Variants in CD163L1 observed in about 807,000 individuals in gnomAD.
CD163L1 encodes the protein CD163 molecule like 1.
CD163L1 carries 124 observed loss-of-function variants against 165.4 expected under a neutral mutation model. The observed-to-expected ratio is 0.75, with a 90% CI of 0.65 to 0.87. The LOEUF (loss-of-function observed/expected upper bound fraction) is 0.87. Among genes scored for constraint, CD163L1 ranks in the 40% least tolerant of loss-of-function variants. The pLI is 0.00. For synonymous variants in CD163L1, 585 were observed against 662.2 expected, an observed-to-expected ratio of 0.88 and a Z score of 1.79; for missense variants, 1,525 against 1,799.9, an observed-to-expected ratio of 0.85 and a Z score of 2.76.
intron 8 of CD163L1, among the ~76,000 whole-genome samples, chr12:7,392,031 C>T (rs1565790841): frequency 6.6e-6 from 1 of 152,148 alleles, no homozygotes; most frequent in East Asian, 1.9e-4. Flanking sequence ...AGAAAGTTAA[C>T]AAGGATATCC....
intron 4 of CD163L1, among the ~76,000 whole-genome samples, chr12:7,418,454 T>C (rs1203839900): frequency 6.6e-6 from 1 of 151,776 alleles, no homozygotes; most frequent in Non-Finnish European, 1.5e-5. Context: ...AAATAGACAA[T>C]CTAAGGGCAC....
At chr12:7,415,943 T>C (rs926735885) in intron 4 of CD163L1, among the ~76,000 whole-genome samples, 1 of 152,184 alleles carries the variant, frequency 6.6e-6, no homozygotes, top group African/African-American at 2.4e-5. Flanking sequence ...ATATACCCAG[T>C]AATGGGATTG....
chr12:7,376,837 A>G (rs766660562), intron 9 of CD163L1, among the ~76,000 whole-genome samples: 2 of 152,194 alleles, frequency 1.3e-5, no homozygotes, highest in South Asian at 4.1e-4. Context: ...CTGAGTTACT[A>G]TAATAGATTC....
At position 7,406,751 on chromosome 12, in the gene CD163L1, T is replaced by A. The variant is rs1455961838; in HGVS notation, c.868A>T (p.Lys290Ter). 1 of 1,614,042 alleles carries A rather than the reference T, an allele frequency of 6.2e-7. No homozygotes were observed. Among genetic ancestry groups the A allele is most frequent in the Admixed American group, 1.7e-5 (1 of 59,990 alleles). The change falls in exon 5 of 20, where the codon AAG (lysine) becomes TAG (stop). Residue 290 changes from lysine to a stop codon, truncating the protein, a stop_gained. Coordinates refer to ENST00000313599, the MANE Select transcript of CD163L1 (RefSeq NM_174941.6). LOFTEE classifies it high-confidence loss of function. The stretch of plus-strand genomic sequence containing the variant: ...ACATCAGCTGCAGCATTGTTCCACT[T>A]ATGGTGGCATACGGTCCCCCACCTT... The part of the protein sequence containing the change: ...QGRWGTVCHH[K>*]WNNAAADVVC...
At position 7,432,429 on chromosome 12, in the gene CD163L1, T is replaced by C; in HGVS notation, c.753A>G (p.Thr251=). ...NHDCSHNEDV[T]LTCYDSSDLE... is the part of the protein sequence containing the mutation. ...TTGGGTTCTTACCATAACAAGTTAA[T>C]GTGACATCCTCATTGTGACTGCAGT... The change falls in exon 4 of 20, where the codon ACA becomes ACG. Residue 251 remains threonine, a synonymous_variant. Transcript: ENST00000313599. The surrounding 1 kb of genome is among the most constrained non-coding windows in gnomAD (Gnocchi z 4.2). 6.2e-7 allele frequency: 1 copy of C among 1,611,778 alleles called. No individual in the cohort carries two copies. The highest frequency in any genetic ancestry group is 8.5e-7 in the Non-Finnish European group (1 of 1,178,288).
At chr12:7,332,081 T>C in the CD163L1 span, among the ~76,000 whole-genome samples, 1 of 151,734 alleles carries the variant, frequency 6.6e-6, no homozygotes. Context: ...TGCAGAGAAG[T>C]CCTTAAAGGA....
intron 2 of CD163L1, chr12:7,439,685 C>T: frequency 6.2e-7 from 1 of 1,612,818 alleles, no homozygotes; most frequent in Admixed American, 1.7e-5. Context: ...TCAAGAAGCA[C>T]TTCTTTACAG....
chr12:7,429,793 ATTC>A (rs776866558), intron 4 of CD163L1, among the ~76,000 whole-genome samples: 35 of 152,162 alleles, frequency 2.3e-4, no homozygotes, highest in Non-Finnish European at 4.7e-4. Context: ...CTCAAAAGCT[ATTC>A]TTCATTCAGT....
At chr12:7,367,557 T>C (rs973633154) in intron 17 of CD163L1, 9 of 373,558 alleles carry the variant, frequency 2.4e-5, no homozygotes, top group African/African-American at 1.8e-4. Context: ...TACATAGTAT[T>C]TACTATGTGC....
In CD163L1 at chr12:7,374,459, G is replaced by A. The variant is rs776889416; in HGVS notation, c.3392C>T (p.Ala1131Val). 1.9e-6 allele frequency: 3 copies of A among 1,612,784 alleles called. No individual in the cohort carries two copies. The highest frequency in any genetic ancestry group is 1.7e-5 in the Admixed American group (1 of 59,952). Residue 1131 changes from alanine (A) to valine (V), a missense_variant, in exon 13 of 20, where the codon GCA (alanine) becomes GTA (valine). Ala to Val is a moderately conservative substitution (Grantham distance 64). Transcript: ENST00000313599. The surrounding 1 kb of genome is among the most constrained non-coding windows in gnomAD (Gnocchi z 5.4). ...GQHDCRHKED[A>V]GVICSEFTAL... ...GCACAGACCTGAGCAGATGACCCCT[G>A]CGTCCTCCTTGTGCCTGCAGTCGTG...
intron 4 of CD163L1, among the ~76,000 whole-genome samples, chr12:7,409,276 G>A (rs769079417): frequency 8.5e-5 from 13 of 152,180 alleles, no homozygotes; most frequent in African/African-American, 2.7e-4. Flanking sequence ...ACTAATTTAT[G>A]TAAAATCTGC....
the CD163L1 span, chr12:7,323,105 A>C: frequency 1.2e-6 from 1 of 803,054 alleles, no homozygotes. Context: ...GGTTTCAAAT[A>C]ATATATTTCA....
At position 7,375,283 on chromosome 12, in the gene CD163L1, G is replaced by C. The variant is rs373856898; in HGVS notation, c.2999C>G (p.Thr1000Arg). ...IHGNTVSVIC[T>R]GSLTQPLFPC... ...AACCATAAGCACTATTCTCTTACCT[G>C]TGCAGATCACAGAGACAGTATTTCC... The change falls in exon 11 of 20, where the codon ACA (threonine) becomes AGA (arginine). Residue 1000 changes from threonine to arginine, a missense_variant and splice_region_variant. Coordinates refer to ENST00000313599, the MANE Select transcript of CD163L1 (RefSeq NM_174941.6). 76 of 1,613,126 alleles carry C rather than the reference G, an allele frequency of 4.7e-5. No homozygotes were observed. The highest frequency in any genetic ancestry group is 5.8e-5 in the Non-Finnish European group (69 of 1,179,826).
Position 7,432,880 on chromosome 12 carries a change from G to T in CD163L1, c.446-144C>A. 1 of 637,954 alleles carries T rather than the reference G, an allele frequency of 1.6e-6. No homozygotes were observed. The highest frequency in any genetic ancestry group is 3.7e-5 in the Admixed American group (1 of 27,386). The allele number at this position is 637,954 out of a possible 1,614,324, so 39.5% of individuals were successfully genotyped here. A position where few individuals can be genotyped will look rare whatever the true frequency, so the allele number is the denominator to read the frequency against. On this transcript the variant is annotated intron_variant, in intron 3 of 19. Transcript: ENST00000313599. The surrounding 1 kb of genome is among the most constrained non-coding windows in gnomAD (Gnocchi z 4.2). ...AATAACTGAAAATACTTATAGGAGGGGTATGTGAGGCTTTTTTCTAAACAC... is the reference window on the plus strand; with the variant it reads ...AATAACTGAAAATACTTATAGGAGGTGTATGTGAGGCTTTTTTCTAAACAC...
downstream of CD163L1, among the ~76,000 whole-genome samples, chr12:7,343,011 C>T (rs1226163205): frequency 1.3e-5 from 2 of 152,232 alleles, no homozygotes; most frequent in Admixed American, 6.5e-5. Context: ...CAACTACACG[C>T]AATATCTTTT....
chr12:7,387,828 C>A (rs1208169029), intron 8 of CD163L1, among the ~76,000 whole-genome samples: 3 of 152,136 alleles, frequency 2.0e-5, no homozygotes, highest in Non-Finnish European at 4.4e-5. Flanking sequence ...ACAGCAACCC[C>A]AAGCAAGAAG....
the CD163L1 span, chr12:7,320,817 A>C: frequency 6.3e-7 from 1 of 1,598,700 alleles, no homozygotes; most frequent in South Asian, 1.1e-5. Flanking sequence ...ACTTGGGCAG[A>C]AATCTCCATT....
chr12:7,434,424 TA>T (rs750609545), intron 2 of CD163L1, among the ~76,000 whole-genome samples: 9 of 152,078 alleles, frequency 5.9e-5, no homozygotes, highest in Non-Finnish European at 1.2e-4. Context: ...AAAATCAACT[TA>T]AAACAAGTGA....
intron 4 of CD163L1, among the ~76,000 whole-genome samples, chr12:7,349,218 C>T (rs1407042772): frequency 6.6e-6 from 1 of 152,012 alleles, no homozygotes; most frequent in Non-Finnish European, 1.5e-5. Flanking sequence ...TTTACTAAAC[C>T]CTTAATTATA....
Sources: gnomAD v4.1 joint callset for allele counts (sites outside exome capture counted in the v4.1 genomes callset) on GRCh38, gnomAD v4.1.1 for gene constraint, Gnocchi (gnomAD v3.1) non-coding constraint, MANE v1.5 for transcripts, NCBI Gene and HGNC (gene_info 2026-07-23, HGNC 2026-07-21) for gene names.